The following SETD5 variants were observed in gnomAD, a reference collection of about 807,000 sequenced individuals.
The protein encoded by SETD5 is SET domain containing 5.
A neutral mutation model predicts 153.3 loss-of-function variants in SETD5; 44 were observed. The ratio of observed to expected loss-of-function variants is 0.29; its 90% CI spans 0.23 to 0.37. The LOEUF (loss-of-function observed/expected upper bound fraction) is 0.37. SETD5 is among the 10% of genes least tolerant of loss of function. SETD5 has a pLI of 1.00. For missense variants in SETD5, 1,544 were observed against 1,768.0 expected (o/e 0.87, Z 2.27); for synonymous variants, 716 against 645.2 (o/e 1.11, Z -1.66).
chr3:9,419,224 C>G (rs777069235), intron 1 of SETD5, among the ~76,000 whole-genome samples: 1 of 152,192 alleles, frequency 6.6e-6, no homozygotes, highest in Non-Finnish European at 1.5e-5. Flanking sequence ...CCCTTTTCTA[C>G]TTTGGATAAA....
intron 3 of SETD5, chr3:9,430,399 T>G: frequency 1.1e-6 from 1 of 946,506 alleles, no homozygotes; most frequent in Non-Finnish European, 1.3e-6. Flanking sequence ...GGGGAAGGGT[T>G]GATTTTGTTT....
chr3:9,475,073 G>T lies in SETD5; in HGVS notation c.3637G>T (p.Ala1213Ser), dbSNP rs1386526476. The T allele has an allele frequency of 6.3e-7, 1 of 1,582,366 alleles. No individual in the cohort carries two copies. Among genetic ancestry groups the T allele is most frequent in the Admixed American group, 1.8e-5 (1 of 55,020 alleles). Reference protein sequence around the residue: ...SNITEKDSDPADGEGPETLSS... With the variant: ...SNITEKDSDPSDGEGPETLSS... ...TTATATATGTTACCTTCCAGACCCT[G>T]CAGATGGAGAAGGCCCAGAGACATT... Residue 1213 changes from alanine to serine, a missense_variant, in exon 22 of 23, where the codon GCA becomes TCA. By Grantham distance (99) the Ala-to-Ser change is moderately conservative (BLOSUM62 1). Around this residue, in one of 9 missense-constraint regions of SETD5, gnomAD observed 302 missense variants for 277.6 expected, o/e 1.09. Coordinates refer to ENST00000402198, the MANE Select transcript of SETD5 (RefSeq NM_001080517.3).
chr3:9,449,274 A>C lies in SETD5; in HGVS notation c.2346+644A>C, dbSNP rs181912477. On this transcript the variant is annotated intron_variant, in intron 16 of 22. Coordinates refer to ENST00000402198, the MANE Select transcript of SETD5 (RefSeq NM_001080517.3). The stretch of plus-strand genomic sequence containing the variant: ...ACTTACTGTTTTTGGATCTAGTGGC[A>C]GTAGCGTTTGGTGGTGTTTTTGGAA... 3.3e-5 allele frequency among the ~76,000 whole-genome samples: 5 copies of C among 152,108 alleles called. No individual in the cohort carries two copies. The East Asian group carries it at 9.7e-4, about 29-fold the overall frequency.
At chr3:9,451,820 C>T (rs960094206) in intron 16 of SETD5, among the ~76,000 whole-genome samples, 2 of 152,122 alleles carry the variant, frequency 1.3e-5, no homozygotes, top group Non-Finnish European at 2.9e-5. Context: ...GCCATAATAG[C>T]GAGACCTTTA....
At chr3:9,455,070 T>TA (rs1317149174) in intron 17 of SETD5, among the ~76,000 whole-genome samples, 1 of 151,960 alleles carries the variant, frequency 6.6e-6, no homozygotes, top group Non-Finnish European at 1.5e-5. Flanking sequence ...ATATTGCAAC[T>TA]AAAATCAGAA....
At chr3:9,448,754 G>T in intron 16 of SETD5, 124 bp downstream of exon 16, 1 of 918,964 alleles carries the variant, frequency 1.1e-6, no homozygotes, top group Non-Finnish European at 1.6e-6. Flanking sequence ...GCCCATGTGA[G>T]TTTATAATGA....
intron 1 of SETD5, among the ~76,000 whole-genome samples, chr3:9,400,403 C>G (rs915943109): frequency 6.6e-6 from 1 of 152,092 alleles, no homozygotes; most frequent in Non-Finnish European, 1.5e-5. Context: ...GGAATTTTTT[C>G]CTGCAGCTCA....
chr3:9,444,075 AG>A (rs2049429666), intron 11 of SETD5, among the ~76,000 whole-genome samples: 1 of 152,166 alleles, frequency 6.6e-6, no homozygotes, highest in Non-Finnish European at 1.5e-5. Context: ...AAAAAGAGAG[AG>A]AATTTAATAT....
At chr3:9,444,841 A>C (rs192326553) in intron 11 of SETD5, among the ~76,000 whole-genome samples, 75 of 152,276 alleles carry the variant, frequency 4.9e-4, no homozygotes, top group Admixed American at 9.8e-4. Flanking sequence ...GCACCACTGC[A>C]CTCCAGCCTA....
At chr3:9,425,895 A>G (rs2124997712) in intron 2 of SETD5, among the ~76,000 whole-genome samples, 1 of 152,240 alleles carries the variant, frequency 6.6e-6, no homozygotes, top group East Asian at 1.9e-4. Context: ...AACAATTCAG[A>G]TTCCCTTTGC....
Position 9,435,900 on chromosome 3 carries a change from A to G in SETD5, c.561A>G (p.Lys187=). 6.3e-7 allele frequency: 1 copy of G among 1,580,840 alleles called. No individual in the cohort carries two copies. The highest frequency in any genetic ancestry group is 8.6e-7 in the Non-Finnish European group (1 of 1,164,034). ...EKGRAAPKTK[K]IKNSPSEAQN... is the part of the protein sequence containing the mutation. Reference sequence around the variant, plus strand: ...GTCGTGCAGCACCAAAGACGAAGAAAATCAAGGTATGCAGGGTAAAAATAT... The same window carrying G: ...GTCGTGCAGCACCAAAGACGAAGAAGATCAAGGTATGCAGGGTAAAAATAT... Residue 187 remains lysine (K), a synonymous_variant, in exon 7 of 23, where the codon AAA becomes AAG. Coordinates refer to ENST00000402198, the MANE Select transcript of SETD5 (RefSeq NM_001080517.3).
At chr3:9,472,845 A>G (rs2045464624) in intron 19 of SETD5, among the ~76,000 whole-genome samples, 1 of 152,082 alleles carries the variant, frequency 6.6e-6, no homozygotes, top group Non-Finnish European at 1.5e-5. Context: ...TTTAAACTAT[A>G]CAAGCTTCCA....
At chr3:9,451,143 A>C (rs1231766592) in intron 16 of SETD5, among the ~76,000 whole-genome samples, 2 of 152,158 alleles carry the variant, frequency 1.3e-5, no homozygotes, top group Admixed American at 1.3e-4. Flanking sequence ...TCTTAGAAAA[A>C]CCAGTCTGAC....
In SETD5 at chr3:9,474,569, A is replaced by C; in HGVS notation, c.3618A>C (p.Thr1206=). The C allele has an allele frequency of 6.2e-7, 1 of 1,613,884 alleles. No individual in the cohort carries two copies. The highest frequency in any genetic ancestry group is 1.7e-4 in the Middle Eastern group (1 of 6,060). ...CTCCCACATGGGAGAGTAACATCAC[A>C]GAGAAAGACTCAGGTGAGCCCATGG... is the stretch of plus-strand genomic sequence containing the variant. ...EPSPTWESNI[T]EKDSDPADGE... is the part of the protein sequence containing the mutation. The change falls in exon 21 of 23, where the codon ACA becomes ACC. Residue 1206 remains threonine (T), a synonymous_variant. Transcript: ENST00000402198.
In SETD5 at chr3:9,434,920, A is replaced by G; in HGVS notation, c.388+38A>G. On this transcript the variant is annotated intron_variant, in intron 6 of 22. Coordinates refer to ENST00000402198, the MANE Select transcript of SETD5 (RefSeq NM_001080517.3). This position sits in a 1 kb window ranked among gnomAD's most constrained non-coding sequence, Gnocchi z 5.6. ...TGGGTTAGGTCCACAATTTGACATAAAAATATTCTGTGATCTGAATGTTCA... is the reference window on the plus strand; with the variant it reads ...TGGGTTAGGTCCACAATTTGACATAGAAATATTCTGTGATCTGAATGTTCA... 2 of 1,601,954 alleles carry G rather than the reference A, an allele frequency of 1.2e-6. No individual in the cohort carries two copies. Among genetic ancestry groups the G allele is most frequent in the Non-Finnish European group, 1.7e-6 (2 of 1,173,796 alleles).
chr3:9,418,368 C>T (rs1050010136), intron 1 of SETD5, among the ~76,000 whole-genome samples: 25 of 151,986 alleles, frequency 1.6e-4, no homozygotes, highest in Admixed American at 1.4e-3. Context: ...GAGCTTAGTG[C>T]GGTCTATTAA....
intron 3 of SETD5, among the ~76,000 whole-genome samples, chr3:9,432,612 A>T (rs527628009): frequency 6.8e-4 from 103 of 152,258 alleles, no homozygotes; most frequent in African/African-American, 2.4e-3. Flanking sequence ...AGCCATACAA[A>T]CTTTATATTT....
rs1246987116 is a variant in SETD5 at position 9,417,765 on chromosome 3, G to A, written c.-176-6702G>A. ...CTCCCAAAGTGCTGGGATTATAGGC[G>A]GGATCCACTGCGCCTGGCCAAGTCT... is the stretch of plus-strand genomic sequence containing the variant. On this transcript the variant is annotated intron_variant, in intron 1 of 22. Transcript: ENST00000402198. Among the ~76,000 whole-genome samples, 5 of 150,710 alleles carry A rather than the reference G, an allele frequency of 3.3e-5. No individual in the cohort carries two copies. The South Asian group carries it at 8.4e-4, about 25-fold the overall frequency.
intron 1 of SETD5, among the ~76,000 whole-genome samples, chr3:9,401,136 T>C (rs181603395): frequency 1.3e-5 from 2 of 152,364 alleles, no homozygotes; most frequent in East Asian, 3.9e-4. Context: ...GTGGCTCACA[T>C]TGTTTTCCCA....
Sources: allele counts gnomAD v4.1 joint callset (sites outside exome capture counted in the v4.1 genomes callset), GRCh38; gene constraint gnomAD v4.1.1; regional missense constraint gnomAD v4.1.1; non-coding constraint Gnocchi (gnomAD v3.1); transcripts MANE v1.5; gene names NCBI Gene and HGNC (gene_info 2026-07-23, HGNC 2026-07-21).